Variants in NXN observed in about 807,000 individuals in gnomAD.
NXN encodes the protein nucleoredoxin.
Under a neutral mutation model 48.6 loss-of-function variants are expected in NXN, and 16 were observed. The observed-to-expected ratio is 0.33, with a 90% CI of 0.22 to 0.50. The LOEUF is 0.50. Among genes scored for constraint, NXN ranks in the 20% least tolerant of loss-of-function variants. NXN has a pLI of 0.98. For missense variants in NXN, 492 were observed against 605.5 expected, an observed-to-expected ratio of 0.81 and a Z score of 1.97; for synonymous variants, 281 against 269.6, an observed-to-expected ratio of 1.04 and a Z score of -0.41.
chr17:907,767 C>T (rs1199484059), intron 1 of NXN: 1 of 152,140 alleles, frequency 6.6e-6, no homozygotes, highest in Non-Finnish European at 1.5e-5. Flanking sequence ...ACAGGCATGT[C>T]TTCAGACACT....
intron 1 of NXN, among the ~76,000 whole-genome samples, chr17:901,731 G>A (rs1216136890): frequency 6.6e-6 from 1 of 151,978 alleles, no homozygotes; most frequent in Non-Finnish European, 1.5e-5. Flanking sequence ...ATGGGATATC[G>A]CTCTGTCGCC....
Position 928,926 on chromosome 17 carries a change from C to T in NXN, c.360+50393G>A, listed in dbSNP as rs140633498. ...CTAGCAGATGAGCAAATGGCCTAAA[C>T]GCGTAATCAGCTGTATAAATGCAAT... On this transcript the variant is annotated intron_variant, in intron 1 of 7. Transcript: ENST00000336868. Among the ~76,000 whole-genome samples, 110 of 152,266 alleles carry T rather than the reference C, an allele frequency of 7.2e-4. 1 individual carries two copies. The East Asian group carries it at 0.01, about 14-fold the overall frequency.
rs1166446936 is a variant in NXN at position 956,364 on chromosome 17, G to A, written c.360+22955C>T. Reference sequence around the variant, plus strand: ...CTCGTGGAACAGAACAGTGGTCACCGTCTTCTGGCCTTTTCCTCTGTGCCC... The same window carrying A: ...CTCGTGGAACAGAACAGTGGTCACCATCTTCTGGCCTTTTCCTCTGTGCCC... On this transcript the variant is annotated intron_variant, in intron 1 of 7. Coordinates refer to ENST00000336868, the MANE Select transcript of NXN (RefSeq NM_022463.5). This position sits in a 1 kb window ranked among gnomAD's most constrained non-coding sequence, Gnocchi z 4.1. Among the ~76,000 whole-genome samples the A allele has an allele frequency of 3.3e-5, 5 of 152,142 alleles. No homozygotes were observed. The highest frequency in any genetic ancestry group is 3.9e-4 in the East Asian group (2 of 5,188).
intron 1 of NXN, among the ~76,000 whole-genome samples, chr17:968,355 G>A (rs1370061204): frequency 1.3e-5 from 2 of 152,358 alleles, no homozygotes; most frequent in South Asian, 2.1e-4. Context: ...GATCCATTCA[G>A]TAAAACCGAG....
chr17:841,387 T>TCA (rs1914182379), intron 1 of NXN, among the ~76,000 whole-genome samples: 1 of 149,920 alleles, frequency 6.7e-6, no homozygotes, highest in African/African-American at 2.4e-5. Flanking sequence ...ACGGTGCATC[T>TCA]CACGCCGGCG....
chr17:807,203 G>A (rs114406224), intron 5 of NXN, among the ~76,000 whole-genome samples: 2,766 of 152,296 alleles, frequency 0.018, 85 homozygotes, highest in African/African-American at 0.061. Context: ...ACAGCTGGCC[G>A]CACAGGAGCC....
At chr17:896,859 C>CCGGG in intron 1 of NXN, 1 of 541,032 alleles carries the variant, frequency 1.8e-6, no homozygotes, top group Non-Finnish European at 2.9e-6. Context: ...TCCTGACCAC[C>CCGGG]CGCCCCCGGC....
chr17:874,922 G>T (rs1035582312), intron 1 of NXN, among the ~76,000 whole-genome samples: 1 of 152,068 alleles, frequency 6.6e-6, no homozygotes, highest in Non-Finnish European at 1.5e-5. Flanking sequence ...CTACAGAAAA[G>T]AACAATTTCA....
At chr17:931,869 C>T (rs528903712) in intron 1 of NXN, among the ~76,000 whole-genome samples, 6 of 145,862 alleles carry the variant, frequency 4.1e-5, no homozygotes, top group South Asian at 2.1e-4. Context: ...TTTGGCCGGG[C>T]GCAGTGGCTC....
rs1040628138 is a variant in NXN at position 958,036 on chromosome 17, C to T, written c.360+21283G>A. 3.5e-4 allele frequency among the ~76,000 whole-genome samples: 53 copies of T among 152,160 alleles called. No homozygotes were observed. Among genetic ancestry groups the T allele is most frequent in the African/African-American group, 1.2e-3 (48 of 41,418 alleles). Reference sequence around the variant, plus strand: ...ATCAGGTTCCAAACATGCATCCTCTCGCTCCATCCTATACTTAGGCGCCTC... The same window carrying T: ...ATCAGGTTCCAAACATGCATCCTCTTGCTCCATCCTATACTTAGGCGCCTC... On this transcript the variant is annotated intron_variant, in intron 1 of 7. Transcript: ENST00000336868. This position sits in a 1 kb window ranked among gnomAD's most constrained non-coding sequence, Gnocchi z 6.9.
chr17:888,321 C>T (rs890404128), intron 1 of NXN, among the ~76,000 whole-genome samples: 8 of 152,274 alleles, frequency 5.3e-5, no homozygotes, highest in South Asian at 2.1e-4. Context: ...TGGGCTCAAG[C>T]GATCCTCCCA....
At position 935,959 on chromosome 17, in the gene NXN, G is replaced by A. The variant is rs909402626; in HGVS notation, c.360+43360C>T. Among the ~76,000 whole-genome samples, 5 of 152,190 alleles carry A rather than the reference G, an allele frequency of 3.3e-5. No individual in the cohort carries two copies. The Middle Eastern group carries it at 0.01, about 311-fold the overall frequency. On this transcript the variant is annotated intron_variant, in intron 1 of 7. Coordinates refer to ENST00000336868, the MANE Select transcript of NXN (RefSeq NM_022463.5). Reference sequence around the variant, plus strand: ...AATACAAAATTAGCTGGATGTGGTGGTGCATGCTTGTAATCCCAGCTACTC... The same window carrying A: ...AATACAAAATTAGCTGGATGTGGTGATGCATGCTTGTAATCCCAGCTACTC...
chr17:960,063 G>A (rs1015207469), intron 1 of NXN, among the ~76,000 whole-genome samples: 4 of 152,112 alleles, frequency 2.6e-5, no homozygotes, highest in Non-Finnish European at 5.9e-5. Context: ...CTGCACTCCA[G>A]CCTGGGAGAC....
chr17:911,938 CTTTT>C (rs147131427), intron 1 of NXN, among the ~76,000 whole-genome samples: 1 of 141,740 alleles, frequency 7.1e-6, no homozygotes, highest in Non-Finnish European at 1.5e-5. Context: ...CATGCATATA[CTTTT>C]TTTTTTTTTT....
At position 825,920 on chromosome 17, in the gene NXN, C is replaced by T; in HGVS notation, c.478+41G>A. ...GCCTAAGGGCATGGAGGAGGGAGGGCTGGGTAATAAGAGGACCATATGCAC... is the reference window on the plus strand; with the variant it reads ...GCCTAAGGGCATGGAGGAGGGAGGGTTGGGTAATAAGAGGACCATATGCAC... On this transcript the variant is annotated intron_variant, in intron 2 of 7. Transcript: ENST00000336868. This position sits in a 1 kb window ranked among gnomAD's most constrained non-coding sequence, Gnocchi z 4.1. 1.5e-6 allele frequency: 2 copies of T among 1,296,984 alleles called. No homozygotes were observed. The highest frequency in any genetic ancestry group is 2.2e-6 in the Non-Finnish European group (2 of 907,450). The allele number at this position is 1,296,984 out of a possible 1,614,324, so 80.3% of individuals were successfully genotyped here. A position where few individuals can be genotyped will look rare whatever the true frequency, so the allele number is the denominator to read the frequency against.
chr17:829,108 GA>G (rs953640060), intron 1 of NXN, among the ~76,000 whole-genome samples: 5 of 143,720 alleles, frequency 3.5e-5, no homozygotes, highest in Non-Finnish European at 4.5e-5. Context: ...TCGCTAGGGG[GA>G]AAAAATGACA....
At chr17:959,088 G>T in intron 1 of NXN, 1 of 315,598 alleles carries the variant, frequency 3.2e-6, no homozygotes. Flanking sequence ...CGGTGTGGCT[G>T]GAGGCGCGTC....
intron 5 of NXN, among the ~76,000 whole-genome samples, chr17:816,718 T>C (rs149553838): frequency 1.3e-5 from 2 of 152,178 alleles, no homozygotes; most frequent in African/African-American, 2.4e-5. Context: ...GTGACTCCAA[T>C]CCCAGGCAGA....
chr17:948,252 C>G (rs2069068004), intron 1 of NXN, among the ~76,000 whole-genome samples: 1 of 152,038 alleles, frequency 6.6e-6, no homozygotes, highest in Non-Finnish European at 1.5e-5. Context: ...CCCATTTACC[C>G]TGGTGTGATG....
Sources: allele counts gnomAD v4.1 joint callset (sites outside exome capture counted in the v4.1 genomes callset), GRCh38; gene constraint gnomAD v4.1.1; non-coding constraint Gnocchi (gnomAD v3.1); transcripts MANE v1.5; gene names NCBI Gene and HGNC (gene_info 2026-07-23, HGNC 2026-07-21).